The following ELOB variants were observed in gnomAD, a reference collection of about 807,000 sequenced individuals.
ELOB encodes the protein elongin-B.
Under a neutral mutation model 12.9 loss-of-function variants are expected in ELOB, and 3 were observed. The ratio of observed to expected loss-of-function variants is 0.23; its 90% CI spans 0.11 to 0.60. The LOEUF is 0.60. ELOB is among the 20% of genes least tolerant of loss of function. ELOB has a pLI of 0.89. For missense variants in ELOB, 126 were observed against 159.2 expected (o/e 0.79, Z 1.12); for synonymous variants, 84 against 67.4 (o/e 1.25, Z -1.21).
rs915513693 is a variant in ELOB at position 2,775,179 on chromosome 16, C to T, written c.244+272G>A. 1.1e-4 allele frequency among the ~76,000 whole-genome samples: 16 copies of T among 152,078 alleles called. No homozygotes were observed. The South Asian group carries it at 1.9e-3, about 18-fold the overall frequency. On this transcript the variant is annotated intron_variant, in intron 3 of 3. Coordinates refer to ENST00000409906, the MANE Select transcript of ELOB (RefSeq NM_007108.4). ...CACACACAGAGTAACATGCAGAGCACGGAGCCAGGCACTCACTCAGCCTCC... is the reference window on the plus strand; with the variant it reads ...CACACACAGAGTAACATGCAGAGCATGGAGCCAGGCACTCACTCAGCCTCC...
At position 2,771,691 on chromosome 16, in the gene ELOB, C is replaced by A; in HGVS notation, c.*299G>T. On this transcript the variant is annotated 3_prime_UTR_variant, in exon 4 of 4. Coordinates refer to ENST00000409906, the MANE Select transcript of ELOB (RefSeq NM_007108.4). ...GGCTGGCTCTGGTCTTTGTGTCTCT[C>A]CCAGTCCTTCCCTTTCCTCCCCCTG... 6.3e-7 allele frequency: 1 copy of A among 1,585,460 alleles called. No homozygotes were observed.
chr16:2,772,429 C>A (rs920526637), intron 3 of ELOB: 5 of 179,226 alleles, frequency 2.8e-5, no homozygotes, highest in African/African-American at 9.5e-5. Context: ...CAGAATATAT[C>A]TCCTTGTTCC....
At chr16:2,774,803 G>C (rs1485298919) in intron 3 of ELOB, among the ~76,000 whole-genome samples, 3 of 89,146 alleles carry the variant, frequency 3.4e-5, no homozygotes, top group African/African-American at 1.1e-4. Flanking sequence ...TAATCCCCAG[G>C]TTTCTAAAGC....
chr16:2,774,392 G>C (rs1256382320), intron 3 of ELOB, among the ~76,000 whole-genome samples: 1 of 152,228 alleles, frequency 6.6e-6, no homozygotes, highest in Non-Finnish European at 1.5e-5. Flanking sequence ...GACCTGGGGT[G>C]CATGAGGACT....
intron 2 of ELOB, among the ~76,000 whole-genome samples, chr16:2,775,852 G>GC (rs2068796813): frequency 6.6e-6 from 1 of 152,214 alleles, no homozygotes; most frequent in Admixed American, 6.5e-5. Context: ...TTCAATCCCA[G>GC]CTCTGTCACC....
intron 2 of ELOB, among the ~76,000 whole-genome samples, chr16:2,776,139 G>A (rs149370200): frequency 3.3e-5 from 5 of 152,218 alleles, no homozygotes; most frequent in Non-Finnish European, 7.3e-5. Context: ...CCACCAGAGG[G>A]TTTCAATGAG....
chr16:2,771,627 G>A lies in ELOB; in HGVS notation c.*363C>T. 4 of 1,613,760 alleles carry A rather than the reference G, an allele frequency of 2.5e-6. No individual in the cohort carries two copies. Among genetic ancestry groups the A allele is most frequent in the Non-Finnish European group, 3.4e-6 (4 of 1,179,910 alleles). Reference sequence around the variant, plus strand: ...AGGCTATGGGGGTGGGGGGCACTTAGAAGGAGAAAGGCCTAAAACTGGAAT... The same window carrying A: ...AGGCTATGGGGGTGGGGGGCACTTAAAAGGAGAAAGGCCTAAAACTGGAAT... On this transcript the variant is annotated 3_prime_UTR_variant, in exon 4 of 4. Coordinates refer to ENST00000409906, the MANE Select transcript of ELOB (RefSeq NM_007108.4).
In ELOB at chr16:2,772,023, C is replaced by T. The variant is rs201371390; in HGVS notation, c.324G>A (p.Ser108=). The change falls in exon 4 of 4, where the codon TCG becomes TCA. Residue 108 remains serine, a synonymous_variant. Coordinates refer to ENST00000409906, the MANE Select transcript of ELOB (RefSeq NM_007108.4). ...ELPDVMKPQD[S]GSSANEQAVQ ...CGGCTTGTTCATTGGCACTGCTTCC[C>T]GAGTCCTGGGGCTTCATCACATCGG... 3.7e-5 allele frequency: 59 copies of T among 1,613,078 alleles called. No individual in the cohort carries two copies. The highest frequency in any genetic ancestry group is 6.7e-5 in the Admixed American group (4 of 59,854).
intron 3 of ELOB, 49 bp from the exon 4 acceptor site, chr16:2,772,151 C>A: frequency 6.6e-7 from 1 of 1,520,090 alleles, no homozygotes; most frequent in East Asian, 2.4e-5. Flanking sequence ...GCTCTTGCCC[C>A]AGCTGGGGCC....
At chr16:2,776,905 G>A (rs1596303626) in intron 2 of ELOB, 88 bp downstream of exon 2, 2 of 1,449,486 alleles carry the variant, frequency 1.4e-6, no homozygotes, top group Admixed American at 2.3e-5. Context: ...GTCGCCGGCC[G>A]CTACTGTTTA....
chr16:2,771,839 A>C lies in ELOB; in HGVS notation c.*151T>G, dbSNP rs1159260253. On this transcript the variant is annotated 3_prime_UTR_variant, in exon 4 of 4. Transcript: ENST00000409906. ...CTCAGCCAGGGTCTCAGGATCTGGG[A>C]GACAGGACAGCACAGGAACTGCCAA... 7 of 1,454,704 alleles carry C rather than the reference A, an allele frequency of 4.8e-6. No individual in the cohort carries two copies. The East Asian group carries it at 1.2e-4, about 26-fold the overall frequency. 90.1% of individuals were successfully genotyped at this position (1,454,704 alleles called of 1,614,324 possible). A position where few individuals can be genotyped will look rare whatever the true frequency, so the allele number is the denominator to read the frequency against.
intron 1 of ELOB, 47 bp downstream of exon 1, chr16:2,777,190 C>G: frequency 9.9e-7 from 1 of 1,010,410 alleles, no homozygotes; most frequent in Non-Finnish European, 1.2e-6. Context: ...AGCCGCCCCC[C>G]GCCGCCCCCG....
At position 2,777,029 on chromosome 16, in the gene ELOB, G is replaced by A. The variant is rs2150785754; in HGVS notation, c.102C>T (p.Ile34=). 4 of 1,604,584 alleles carry A rather than the reference G, an allele frequency of 2.5e-6. No individual in the cohort carries two copies. Among genetic ancestry groups the A allele is most frequent in the East Asian group, 4.5e-5 (2 of 44,390 alleles). The change falls in exon 2 of 4, where the codon ATC becomes ATT. Residue 34 remains isoleucine, a synonymous_variant. Coordinates refer to ENST00000409906, the MANE Select transcript of ELOB (RefSeq NM_007108.4). ...VFELKRIVEG[I]LKRPPDEQRL... ...GCTGCTCGTCAGGAGGCCGCTTGAGGATGCCCTCGACGATGCGCTTCAGTT... is the reference window on the plus strand; with the variant it reads ...GCTGCTCGTCAGGAGGCCGCTTGAGAATGCCCTCGACGATGCGCTTCAGTT...
chr16:2,772,575 T>A (rs1007617171), intron 3 of ELOB: 19 of 145,898 alleles, frequency 1.3e-4, no homozygotes, highest in African/African-American at 4.6e-4. Context: ...CCGGGCATGG[T>A]GGCGGGCACC....
Position 2,772,112 on chromosome 16 carries a change from AAGC to A in ELOB, c.245-13_245-11del, listed in dbSNP as rs2068761673. ...GCCTCAAAGGTGTCATCTGTGGAGG[AAGC>A]AGCAGAGCTGCAGGGGGGTATTCCA... On this transcript the variant is annotated splice_polypyrimidine_tract_variant and intron_variant, in intron 3 of 3. Transcript: ENST00000409906. 2 of 1,595,734 alleles carry A rather than the reference AAGC, an allele frequency of 1.3e-6. No individual in the cohort carries two copies. The highest frequency in any genetic ancestry group is 1.7e-6 in the Non-Finnish European group (2 of 1,169,544).
chr16:2,774,709 G>A (rs867822290), intron 3 of ELOB, among the ~76,000 whole-genome samples: 3 of 152,202 alleles, frequency 2.0e-5, no homozygotes, highest in South Asian at 2.1e-4. Flanking sequence ...CTCTCTTCAA[G>A]TTCCTAGAGA....
rs2068793771 is a variant in ELOB, at chr16:2,775,485, C to T, written c.210G>A (p.Gln70=). The change falls in exon 3 of 4, where the codon CAG becomes CAA. Residue 70 remains glutamine (Q), a synonymous_variant. Coordinates refer to ENST00000409906, the MANE Select transcript of ELOB (RefSeq NM_007108.4). ...CGFTSQTARP[Q]APATVGLAFR... is the part of the protein sequence containing the mutation. ...AGGCCAGCCCCACTGTGGCTGGGGCCTGTGGCCGTGCTGTTTGACTGGTGA... is the reference window on the plus strand; with the variant it reads ...AGGCCAGCCCCACTGTGGCTGGGGCTTGTGGCCGTGCTGTTTGACTGGTGA... 6.2e-7 allele frequency: 1 copy of T among 1,606,324 alleles called. No individual in the cohort carries two copies. Among genetic ancestry groups the T allele is most frequent in the Non-Finnish European group, 8.5e-7 (1 of 1,179,718 alleles).
chr16:2,775,407 C>A lies in ELOB; in HGVS notation c.244+44G>T, dbSNP rs776545110. 7 of 1,457,614 alleles carry A rather than the reference C, an allele frequency of 4.8e-6. No individual in the cohort carries two copies. In the African/African-American group the frequency reaches 5.6e-5, roughly 12 times the overall value. The allele number at this position is 1,457,614 out of a possible 1,614,324, so 90.3% of individuals were successfully genotyped here. A position where few individuals can be genotyped will look rare whatever the true frequency, so the allele number is the denominator to read the frequency against. On this transcript the variant is annotated intron_variant, in intron 3 of 3. Transcript: ENST00000409906. ...ACCTTCTTTGGAACAGTGTTCCCAA[C>A]CTGCTTGGCTACCACCCAGCCCAGT...
At chr16:2,775,651 G>T in intron 2 of ELOB, 95 bp from the exon 3 acceptor site, 1 of 925,794 alleles carries the variant, frequency 1.1e-6, no homozygotes, top group Non-Finnish European at 1.6e-6. Context: ...GAGGAGGGAA[G>T]AGAGAGTTCC....
Sources: gnomAD v4.1 joint callset for allele counts (sites outside exome capture counted in the v4.1 genomes callset) on GRCh38, gnomAD v4.1.1 for gene constraint, MANE v1.5 for transcripts, NCBI Gene and HGNC (gene_info 2026-07-23, HGNC 2026-07-21) for gene names.